The following IPMK variants were observed in gnomAD, a reference collection of about 807,000 sequenced individuals.
The protein encoded by IPMK is inositol 1,3,4,6-tetrakisphosphate 5-kinase.
A neutral mutation model predicts 45.8 loss-of-function variants in IPMK; 17 were observed. The observed-to-expected ratio is 0.37, with a 90% CI of 0.25 to 0.56. The LOEUF is 0.56. Ranked by LOEUF, IPMK falls within the 20% of genes least tolerant of loss-of-function variation. The pLI is 0.79. For synonymous variants in IPMK, 180 were observed against 184.3 expected (o/e 0.98, Z 0.19); for missense variants, 399 against 498.0 (o/e 0.80, Z 1.89).
chr10:58,249,047 G>T (rs995882117), intron 1 of IPMK, among the ~76,000 whole-genome samples: 1 of 152,192 alleles, frequency 6.6e-6, no homozygotes, highest in African/African-American at 2.4e-5. Context: ...TATATATTCA[G>T]AAGCAGGAAT....
chr10:58,209,269 T>C (rs1260056624), intron 4 of IPMK, among the ~76,000 whole-genome samples: 1 of 152,176 alleles, frequency 6.6e-6, no homozygotes, highest in African/African-American at 2.4e-5. Context: ...CAAGGACCTC[T>C]TCTCCAAGGT....
Position 58,195,458 on chromosome 10 carries a change from TATA to T in IPMK, c.*615_*617del, listed in dbSNP as rs1234098108. ...CACATCAATTGTCTTTTTCATGAAG[TATA>T]ATATTTTGAGAGAGAGATGTAAAAA... On this transcript the variant is annotated 3_prime_UTR_variant, in exon 6 of 6. Coordinates refer to ENST00000373935, the MANE Select transcript of IPMK (RefSeq NM_152230.5). The T allele has an allele frequency of 1.3e-5, 2 of 152,136 alleles. No homozygotes were observed. The highest frequency in any genetic ancestry group is 2.4e-5 in the African/African-American group (1 of 41,446). 9.4% of individuals were successfully genotyped at this position (152,136 alleles called of 1,614,324 possible).
intron 4 of IPMK, among the ~76,000 whole-genome samples, chr10:58,201,355 T>C (rs562738647): frequency 3.3e-5 from 5 of 152,340 alleles, no homozygotes; most frequent in South Asian, 4.1e-4. Context: ...TTTCTCTGTA[T>C]TACAATTTGG....
chr10:58,242,947 T>G (rs1838718470), intron 1 of IPMK, among the ~76,000 whole-genome samples: 1 of 152,078 alleles, frequency 6.6e-6, no homozygotes. Context: ...TCTCTCTCTC[T>G]CTCCCTCCTA....
chr10:58,220,090 G>A (rs1456291119), intron 3 of IPMK, among the ~76,000 whole-genome samples: 3 of 152,152 alleles, frequency 2.0e-5, no homozygotes, highest in African/African-American at 7.2e-5. Context: ...TCTGATACAA[G>A]CTTGGTCAGT....
chr10:58,225,555 C>T (rs911732543), intron 3 of IPMK, among the ~76,000 whole-genome samples: 1 of 152,134 alleles, frequency 6.6e-6, no homozygotes, highest in Non-Finnish European at 1.5e-5. Context: ...CAAATTCTTT[C>T]TGTATACTCT....
intron 1 of IPMK, among the ~76,000 whole-genome samples, chr10:58,239,691 A>C (rs984074471): frequency 2.6e-5 from 4 of 152,202 alleles, no homozygotes; most frequent in African/African-American, 7.2e-5. Context: ...GAAGGTGGTA[A>C]TCTCGGCATT....
At chr10:58,250,934 T>C (rs1838871678) in intron 1 of IPMK, among the ~76,000 whole-genome samples, 3 of 152,228 alleles carry the variant, frequency 2.0e-5, no homozygotes, top group Non-Finnish European at 4.4e-5. Context: ...GAAATAATTA[T>C]ACAGTCTCTG....
intron 1 of IPMK, among the ~76,000 whole-genome samples, chr10:58,238,099 T>C (rs1838641198): frequency 6.6e-6 from 1 of 152,222 alleles, no homozygotes; most frequent in South Asian, 2.1e-4. Flanking sequence ...TCAATTTATA[T>C]AGAAAGTCCT....
chr10:58,225,126 A>G (rs930622784), intron 3 of IPMK, among the ~76,000 whole-genome samples: 12 of 151,994 alleles, frequency 7.9e-5, no homozygotes, highest in Non-Finnish European at 1.5e-4. Flanking sequence ...TTTTCCCTTC[A>G]GTTTACATTT....
At chr10:58,258,124 C>A (rs1838999734) in intron 1 of IPMK, among the ~76,000 whole-genome samples, 1 of 151,226 alleles carries the variant, frequency 6.6e-6, no homozygotes, top group African/African-American at 2.4e-5. Context: ...GCCTGGCCAA[C>A]ATGGTGAAAC....
intron 1 of IPMK, among the ~76,000 whole-genome samples, chr10:58,253,038 G>T (rs1452350654): frequency 6.6e-6 from 1 of 152,156 alleles, no homozygotes; most frequent in Non-Finnish European, 1.5e-5. Flanking sequence ...ATCTTACCTT[G>T]AATTGTAGTA....
chr10:58,256,261 C>T (rs1200353688), intron 1 of IPMK, among the ~76,000 whole-genome samples: 1 of 152,112 alleles, frequency 6.6e-6, no homozygotes, highest in African/African-American at 2.4e-5. Context: ...GCAAGGAATA[C>T]CCCTGGGAAA....
At chr10:58,204,100 G>C (rs982529880) in intron 4 of IPMK, among the ~76,000 whole-genome samples, 100 of 152,256 alleles carry the variant, frequency 6.6e-4, no homozygotes, top group African/African-American at 2.4e-3. Flanking sequence ...AGTGCCTCAT[G>C]CCTTTAATAA....
chr10:58,252,611 C>CTT (rs113777957), intron 1 of IPMK, among the ~76,000 whole-genome samples: 172 of 111,246 alleles, frequency 1.5e-3, no homozygotes, highest in African/African-American at 5.8e-3. Flanking sequence ...GTTTTCTTTT[C>CTT]TTTTTTTTTT....
In IPMK at chr10:58,223,030, T is replaced by C. The variant is rs150027486; in HGVS notation, c.373+4013A>G. ...GGAAGGTGGGTGAGGGATAAAAGAC[T>C]ACACACTGGGTACAGTGTACACTGC... On this transcript the variant is annotated intron_variant, in intron 3 of 5. Coordinates refer to ENST00000373935, the MANE Select transcript of IPMK (RefSeq NM_152230.5). 6.3e-3 allele frequency among the ~76,000 whole-genome samples: 955 copies of C among 152,272 alleles called. 12 individuals carry two copies. The highest frequency in any genetic ancestry group is 0.022 in the African/African-American group (910 of 41,574).
At chr10:58,253,836 C>G (rs548639830) in intron 1 of IPMK, among the ~76,000 whole-genome samples, 1 of 152,084 alleles carries the variant, frequency 6.6e-6, no homozygotes, top group Non-Finnish European at 1.5e-5. Context: ...TCCCTCCCTC[C>G]CTTCCTTCGA....
intron 3 of IPMK, among the ~76,000 whole-genome samples, chr10:58,219,422 A>C (rs1460039530): frequency 2.6e-5 from 4 of 152,250 alleles, no homozygotes; most frequent in Non-Finnish European, 5.9e-5. Context: ...GGCTGTCATT[A>C]ATAGAAATAA....
At chr10:58,218,913 C>A (rs2132154447) in intron 3 of IPMK, among the ~76,000 whole-genome samples, 1 of 152,320 alleles carries the variant, frequency 6.6e-6, no homozygotes, top group South Asian at 2.1e-4. Context: ...GTTTGCCCTT[C>A]CCATTCCTAT....
Sources: gnomAD v4.1 joint callset for allele counts (sites outside exome capture counted in the v4.1 genomes callset) on GRCh38, gnomAD v4.1.1 for gene constraint, MANE v1.5 for transcripts, NCBI Gene and HGNC (gene_info 2026-07-23, HGNC 2026-07-21) for gene names.